DCSTAMP: variants seen among roughly 807,000 people sequenced by gnomAD.
DCSTAMP encodes dendritic cell-specific transmembrane protein.
Under a neutral mutation model 33.8 loss-of-function variants are expected in DCSTAMP, and 25 were observed. The observed-to-expected ratio is 0.74, with a 90% CI of 0.54 to 1.03. DCSTAMP has a LOEUF of 1.03. Ranked by LOEUF, DCSTAMP falls within the 50% of genes least tolerant of loss-of-function variation. DCSTAMP has a pLI of 0.00. For missense variants in DCSTAMP, 531 were observed against 556.8 expected, an observed-to-expected ratio of 0.95 and a Z score of 0.47; for synonymous variants, 245 against 216.7, an observed-to-expected ratio of 1.13 and a Z score of -1.15.
Position 104,349,453 on chromosome 8 carries a change from C to G in DCSTAMP, c.901C>G (p.Leu301Val), listed in dbSNP as rs761296735. 1 of 1,614,210 alleles carries G rather than the reference C, an allele frequency of 6.2e-7. No individual in the cohort carries two copies. The highest frequency in any genetic ancestry group is 8.5e-7 in the Non-Finnish European group (1 of 1,180,040). Reference sequence around the variant, plus strand: ...CCTGGGGCTGTTTTTCCTCCCCATACTTATCCATCTCTGCATCTGGGTGCT... The same window carrying G: ...CCTGGGGCTGTTTTTCCTCCCCATAGTTATCCATCTCTGCATCTGGGTGCT... The part of the protein sequence containing the change: ...KNLGLFFLPI[L>V]IHLCIWVLFA... Residue 301 changes from leucine to valine, a missense_variant, in exon 2 of 4, where the codon CTT becomes GTT. Coordinates refer to ENST00000297581, the MANE Select transcript of DCSTAMP (RefSeq NM_030788.4).
At chr8:104,347,007 A>C (rs966446763) in intron 1 of DCSTAMP, among the ~76,000 whole-genome samples, 1 of 152,246 alleles carries the variant, frequency 6.6e-6, no homozygotes, top group Non-Finnish European at 1.5e-5. Flanking sequence ...AAAACTGATC[A>C]ATGTCCGCAT....
intron 2 of DCSTAMP, among the ~76,000 whole-genome samples, chr8:104,354,274 C>T (rs547052674): frequency 1.5e-4 from 23 of 152,102 alleles, no homozygotes; most frequent in Non-Finnish European, 2.5e-4. Context: ...TAAGAATAAT[C>T]CCCCCTAAGC....
intron 1 of DCSTAMP, among the ~76,000 whole-genome samples, chr8:104,346,704 T>G (rs974600781): frequency 6.6e-6 from 1 of 152,246 alleles, no homozygotes; most frequent in Non-Finnish European, 1.5e-5. Context: ...TCCATTCAGA[T>G]TATATGGCAG....
intron 2 of DCSTAMP, among the ~76,000 whole-genome samples, chr8:104,353,068 G>A (rs993023522): frequency 1.3e-5 from 2 of 152,152 alleles, no homozygotes; most frequent in African/African-American, 4.8e-5. Flanking sequence ...AAAGAAGACG[G>A]GAAATGACCC....
chr8:104,354,596 G>C (rs1006825619), intron 2 of DCSTAMP, among the ~76,000 whole-genome samples: 1 of 152,184 alleles, frequency 6.6e-6, no homozygotes, highest in African/African-American at 2.4e-5. Flanking sequence ...TTCAAAAGAA[G>C]GGATAGAGTA....
intron 2 of DCSTAMP, among the ~76,000 whole-genome samples, chr8:104,353,004 T>G (rs1810507176): frequency 6.6e-6 from 1 of 152,208 alleles, no homozygotes; most frequent in South Asian, 2.1e-4. Flanking sequence ...TGGCTCAAGG[T>G]GCTGCCAATA....
Position 104,345,898 on chromosome 8 carries a change from G to A in DCSTAMP, c.-12-2643G>A, listed in dbSNP as rs151047152. ...AAAAGTGAGCAGATAATGGAAATGGGCTTGTGATATACAGGTCAGCTCTTA... is the reference window on the plus strand; with the variant it reads ...AAAAGTGAGCAGATAATGGAAATGGACTTGTGATATACAGGTCAGCTCTTA... On this transcript the variant is annotated intron_variant, in intron 1 of 3. Transcript: ENST00000297581. 5.9e-5 allele frequency among the ~76,000 whole-genome samples: 9 copies of A among 152,348 alleles called. No homozygotes were observed. In the East Asian group the frequency reaches 1.5e-3, roughly 26 times the overall value.
chr8:104,345,262 A>G (rs1382087213), intron 1 of DCSTAMP, among the ~76,000 whole-genome samples: 1 of 152,184 alleles, frequency 6.6e-6, no homozygotes, highest in Non-Finnish European at 1.5e-5. Flanking sequence ...GGTTCCCCTC[A>G]TTAAACCAAA....
Position 104,348,621 on chromosome 8 carries a change from C to A in DCSTAMP, c.69C>A (p.Ser23Arg). 6 of 1,614,140 alleles carry A rather than the reference C, an allele frequency of 3.7e-6. No homozygotes were observed. The highest frequency in any genetic ancestry group is 5.1e-6 in the Non-Finnish European group (6 of 1,180,036). ...SLWEIYVSPR[S>R]PGWMDFIQHL... Reference sequence around the variant, plus strand: ...GGGAGATTTACGTGTCTCCAAGAAGCCCCGGATGGATGGACTTTATCCAGC... The same window carrying A: ...GGGAGATTTACGTGTCTCCAAGAAGACCCGGATGGATGGACTTTATCCAGC... Residue 23 changes from serine to arginine, a missense_variant, in exon 2 of 4, where the codon AGC (serine) becomes AGA (arginine). By Grantham distance (110) the Ser-to-Arg change is moderately radical. Coordinates refer to ENST00000297581, the MANE Select transcript of DCSTAMP (RefSeq NM_030788.4).
rs754799166 is a variant in DCSTAMP at position 104,349,549 on chromosome 8, G to C, written c.997G>C (p.Gly333Arg). Residue 333 changes from glycine (G) to arginine (R), a missense_variant, in exon 2 of 4, where the codon GGG (glycine) becomes CGG (arginine). Physicochemically the swap from Gly to Arg is moderately radical, Grantham distance 125. Coordinates refer to ENST00000297581, the MANE Select transcript of DCSTAMP (RefSeq NM_030788.4). ...SVSKQFQSLP[G>R]FEVHLKLHGE... ...GAGCAAGCAGTTTCAAAGCTTGCCA[G>C]GGTTTGAGGTTCACTTGAAACTGCA... is the stretch of plus-strand genomic sequence containing the variant. The C allele has an allele frequency of 3.7e-6, 6 of 1,613,338 alleles. 1 individual carries two copies. The Middle Eastern group carries it at 4.9e-4, about 133-fold the overall frequency.
At chr8:104,345,095 G>T (rs1308897308) in intron 1 of DCSTAMP, among the ~76,000 whole-genome samples, 1 of 152,000 alleles carries the variant, frequency 6.6e-6, no homozygotes, top group African/African-American at 2.4e-5. Flanking sequence ...AGCCTCCAGT[G>T]CCTGTCTCTA....
chr8:104,341,395 T>C, intron 1 of DCSTAMP, among the ~76,000 whole-genome samples: 1 of 152,236 alleles, frequency 6.6e-6, no homozygotes, highest in East Asian at 1.9e-4. Flanking sequence ...AATGCCGGTC[T>C]CCTTCACTCA....
intron 3 of DCSTAMP, 100 bp from the exon 4 acceptor site, chr8:104,356,024 T>C (rs1284215564): frequency 9.2e-7 from 1 of 1,091,270 alleles, no homozygotes; most frequent in African/African-American, 1.6e-5. Context: ...TTTTGCTGTT[T>C]TTCCCAACAT....
At chr8:104,353,196 A>G (rs1228929796) in intron 2 of DCSTAMP, among the ~76,000 whole-genome samples, 2 of 152,232 alleles carry the variant, frequency 1.3e-5, no homozygotes, top group Non-Finnish European at 2.9e-5. Context: ...ACTGGCTGAC[A>G]GCAGAGCCTG....
At chr8:104,340,262 T>C (rs2099382544) in intron 1 of DCSTAMP, 1 of 152,194 alleles carries the variant, frequency 6.6e-6, no homozygotes, top group Non-Finnish European at 1.5e-5. Context: ...GTAGCGTTCA[T>C]TAATCTTTCC....
Position 104,348,813 on chromosome 8 carries a change from C to G in DCSTAMP, c.261C>G (p.Leu87=). The change falls in exon 2 of 4, where the codon CTC becomes CTG. Residue 87 remains leucine (L), a synonymous_variant. Coordinates refer to ENST00000297581, the MANE Select transcript of DCSTAMP (RefSeq NM_030788.4). ...HARCFILLVF[L]SCGLREGRNA... ...GATGTTTTATTCTTCTTGTCTTTCT[C>G]TCTTGTGGCCTGCGTGAAGGCAGGA... is the stretch of plus-strand genomic sequence containing the variant. The G allele has an allele frequency of 6.2e-7, 1 of 1,614,182 alleles. No individual in the cohort carries two copies. The highest frequency in any genetic ancestry group is 8.5e-7 in the Non-Finnish European group (1 of 1,180,036).
In DCSTAMP at chr8:104,343,028, G is replaced by A. The variant is rs141160620; in HGVS notation, c.-13+3166G>A. Among the ~76,000 whole-genome samples, 17 of 152,314 alleles carry A rather than the reference G, an allele frequency of 1.1e-4. No homozygotes were observed. In the East Asian group the frequency reaches 3.3e-3, roughly 29 times the overall value. On this transcript the variant is annotated intron_variant, in intron 1 of 3. Coordinates refer to ENST00000297581, the MANE Select transcript of DCSTAMP (RefSeq NM_030788.4). ...GAGGACCCTGGATGTGGTTGACAAC[G>A]CAGGACAGCTCATCCTGGCATGGTG...
At chr8:104,341,197 T>C (rs2099382769) in intron 1 of DCSTAMP, among the ~76,000 whole-genome samples, 1 of 152,230 alleles carries the variant, frequency 6.6e-6, no homozygotes, top group Admixed American at 6.5e-5. Context: ...TGGAGACACA[T>C]GGGTGATGTG....
In DCSTAMP at chr8:104,349,321, A is replaced by C. The variant is rs770819792; in HGVS notation, c.769A>C (p.Arg257=). The change falls in exon 2 of 4, where the codon AGG becomes CGG. Residue 257 remains arginine, a synonymous_variant. Transcript: ENST00000297581. ...CAGACAATTTGTTCAGTTTGATGAA[A>C]GGGAGAGACATCAACAGAGGCCCTG... ...ITRQFVQFDE[R]ERHQQRPCVL... is the part of the protein sequence containing the mutation. The C allele has an allele frequency of 6.2e-7, 1 of 1,614,102 alleles. No individual in the cohort carries two copies. The highest frequency in any genetic ancestry group is 1.3e-5 in the African/African-American group (1 of 74,936).
Sources: gnomAD v4.1 joint callset for allele counts (sites outside exome capture counted in the v4.1 genomes callset) on GRCh38, gnomAD v4.1.1 for gene constraint, MANE v1.5 for transcripts, NCBI Gene and HGNC (gene_info 2026-07-23, HGNC 2026-07-21) for gene names.